The following LRRC7 variants were observed in gnomAD, a reference collection of about 807,000 sequenced individuals.
LRRC7 encodes the protein leucine-rich repeat-containing protein 7.
A neutral mutation model predicts 175.7 loss-of-function variants in LRRC7; 23 were observed. The ratio of observed to expected loss-of-function variants is 0.13; its 90% CI spans 0.09 to 0.19. The LOEUF (loss-of-function observed/expected upper bound fraction) is 0.19. LRRC7 is among the 10% of genes least tolerant of loss of function. LRRC7 has a pLI of 1.00. For synonymous variants in LRRC7, 685 were observed against 680.9 expected (o/e 1.01, Z -0.09); for missense variants, 1,354 against 1,904.7 (o/e 0.71, Z 5.38).
chr1:69,659,159 A>G (rs1657074057), intron 1 of LRRC7, among the ~76,000 whole-genome samples: 1 of 152,058 alleles, frequency 6.6e-6, no homozygotes, highest in Admixed American at 6.6e-5. Context: ...GGTACTTTTC[A>G]TTGGCCAAGC....
At chr1:70,041,701 C>T (rs1659910919) in intron 21 of LRRC7, among the ~76,000 whole-genome samples, 1 of 152,164 alleles carries the variant, frequency 6.6e-6, no homozygotes, top group Admixed American at 6.5e-5. Flanking sequence ...TTTGAGGCAA[C>T]AGAGGAATGA....
intron 7 of LRRC7, among the ~76,000 whole-genome samples, chr1:69,920,629 C>T (rs889568508): frequency 6.6e-6 from 1 of 152,134 alleles, no homozygotes; most frequent in Admixed American, 6.6e-5. Flanking sequence ...TTATATCATA[C>T]TCTCCTGGGA....
intron 2 of LRRC7, among the ~76,000 whole-genome samples, chr1:69,741,714 G>A (rs371589321): frequency 6.0e-4 from 92 of 152,080 alleles, no homozygotes; most frequent in African/African-American, 2.1e-3. Flanking sequence ...GCCAGTCACC[G>A]AGTCTTGCTG....
At chr1:70,035,527 A>C (rs755484046) in intron 18 of LRRC7, among the ~76,000 whole-genome samples, 4 of 150,328 alleles carry the variant, frequency 2.7e-5, no homozygotes, top group Non-Finnish European at 5.9e-5. Context: ...GAAATTGAGG[A>C]GATGATCACT....
At chr1:69,841,991 A>G (rs969813989) in intron 7 of LRRC7, among the ~76,000 whole-genome samples, 3 of 152,110 alleles carry the variant, frequency 2.0e-5, no homozygotes, top group Non-Finnish European at 4.4e-5. Flanking sequence ...AAACCTACAC[A>G]CATTTTCTCT....
At chr1:69,581,514 T>C (rs540599128) in intron 1 of LRRC7, among the ~76,000 whole-genome samples, 2 of 152,280 alleles carry the variant, frequency 1.3e-5, no homozygotes, top group Non-Finnish European at 2.9e-5. Context: ...TACAATTTGT[T>C]GACTGGAGAA....
intron 1 of LRRC7, among the ~76,000 whole-genome samples, chr1:69,592,978 ACACC>A (rs2100965176): frequency 6.6e-6 from 1 of 152,132 alleles, no homozygotes; most frequent in South Asian, 2.1e-4. Flanking sequence ...TATTTTAAAC[ACACC>A]CACACAATGC....
chr1:69,857,664 T>A (rs1683836989), intron 7 of LRRC7, among the ~76,000 whole-genome samples: 1 of 151,976 alleles, frequency 6.6e-6, no homozygotes, highest in South Asian at 2.1e-4. Flanking sequence ...AGAATCAATA[T>A]CGTAAAAATG....
Position 69,568,471 on chromosome 1 carries a change from G to C in LRRC7, c.-169G>C. ...CATGGTCTAACGTGGCACCTTCCTG[G>C]ATTCCCCTCTATCTCCTGTTCTTCC... On this transcript the variant is annotated 5_prime_UTR_variant, in exon 1 of 27. Coordinates refer to ENST00000651989, the MANE Select transcript of LRRC7 (RefSeq NM_001370785.2). The C allele has an allele frequency of 2.3e-6, 1 of 435,738 alleles. No individual in the cohort carries two copies. The highest frequency in any genetic ancestry group is 2.3e-5 in the South Asian group (1 of 43,492). The allele number at this position is 435,738 out of a possible 1,614,324, so 27.0% of individuals were successfully genotyped here.
intron 7 of LRRC7, among the ~76,000 whole-genome samples, chr1:69,842,307 T>C (rs1031647789): frequency 2.0e-4 from 30 of 152,190 alleles, no homozygotes; most frequent in African/African-American, 7.2e-4. Flanking sequence ...GTGAGAAGAA[T>C]TTTTCTAATA....
At chr1:70,074,792 C>A (rs1459912941) in intron 23 of LRRC7, among the ~76,000 whole-genome samples, 2 of 152,128 alleles carry the variant, frequency 1.3e-5, no homozygotes, top group East Asian at 1.9e-4. Flanking sequence ...TGGAATCCAG[C>A]AATATATTTT....
chr1:69,703,803 A>G (rs1342006241), intron 2 of LRRC7, among the ~76,000 whole-genome samples: 1 of 151,980 alleles, frequency 6.6e-6, no homozygotes, highest in Non-Finnish European at 1.5e-5. Context: ...AATCCTTCCT[A>G]GTTAAAGAAT....
chr1:69,999,791 T>A (rs1380974475), intron 11 of LRRC7, among the ~76,000 whole-genome samples: 1 of 152,190 alleles, frequency 6.6e-6, no homozygotes, highest in Non-Finnish European at 1.5e-5. Context: ...GATGTACATC[T>A]TCCAGAAATT....
chr1:69,780,232 C>T (rs902105996), intron 3 of LRRC7, among the ~76,000 whole-genome samples: 6 of 152,130 alleles, frequency 3.9e-5, no homozygotes, highest in African/African-American at 1.2e-4. Flanking sequence ...CACAATTCCA[C>T]GTATTTAAAT....
At chr1:69,577,007 TTTTG>T (rs1275201521) in intron 1 of LRRC7, among the ~76,000 whole-genome samples, 2 of 152,192 alleles carry the variant, frequency 1.3e-5, no homozygotes, top group Admixed American at 6.5e-5. Flanking sequence ...GATGGACGTT[TTTTG>T]TTTGTTTACT....
intron 1 of LRRC7, among the ~76,000 whole-genome samples, chr1:69,663,989 G>A (rs1657904846): frequency 6.6e-6 from 1 of 152,016 alleles, no homozygotes; most frequent in South Asian, 2.1e-4. Context: ...CCAAAGTGCT[G>A]GAATTACAGG....
intron 1 of LRRC7, among the ~76,000 whole-genome samples, chr1:69,570,858 T>C (rs1323579011): frequency 2.0e-5 from 3 of 152,210 alleles, no homozygotes; most frequent in Admixed American, 6.5e-5. Context: ...GAGTTTGGAC[T>C]TCTGAGGTGT....
Position 70,038,965 on chromosome 1 carries a change from C to G in LRRC7, c.3141C>G (p.Thr1047=), listed in dbSNP as rs1305607379. ...CAATGCTGGATGATGAGATGCTCAC[C>G]TACGGAAGTAGTAAGGGGCCACAAC... ...SVPMLDDEML[T]YGSSKGPQQQ... is the part of the protein sequence containing the mutation. The change falls in exon 21 of 27, where the codon ACC becomes ACG. Residue 1047 remains threonine, a synonymous_variant. Coordinates refer to ENST00000651989, the MANE Select transcript of LRRC7 (RefSeq NM_001370785.2). The G allele has an allele frequency of 6.2e-7, 1 of 1,613,830 alleles. No homozygotes were observed. Among genetic ancestry groups the G allele is most frequent in the Admixed American group, 1.7e-5 (1 of 59,996 alleles).
At chr1:69,569,066 G>GACAC (rs3831340) in intron 1 of LRRC7, among the ~76,000 whole-genome samples, 7 of 151,010 alleles carry the variant, frequency 4.6e-5, no homozygotes, top group African/African-American at 7.3e-5. Flanking sequence ...GTTTGATCGT[G>GACAC]ACACACACAC....
Sources: allele counts gnomAD v4.1 joint callset (sites outside exome capture counted in the v4.1 genomes callset), GRCh38; gene constraint gnomAD v4.1.1; transcripts MANE v1.5; gene names NCBI Gene and HGNC (gene_info 2026-07-23, HGNC 2026-07-21).